RUNX2: variants seen among roughly 807,000 people sequenced by gnomAD.
RUNX2 encodes the protein runt-related transcription factor 2.
In RUNX2, 10 loss-of-function variants were observed where a neutral mutation model predicts 51.7. The ratio of observed to expected loss-of-function variants is 0.19; its 90% confidence interval spans 0.12 to 0.33. The LOEUF is 0.33. Among genes scored for constraint, RUNX2 ranks in the 10% least tolerant of loss-of-function variants. RUNX2 has a pLI of 1.00. For missense variants in RUNX2, 562 were observed against 691.3 expected (o/e 0.81, Z 2.10); for synonymous variants, 276 against 273.6 (o/e 1.01, Z -0.09).
intron 2 of RUNX2, among the ~76,000 whole-genome samples, chr6:45,388,991 C>A (rs1396943920): frequency 6.6e-6 from 1 of 152,208 alleles, no homozygotes; most frequent in Non-Finnish European, 1.5e-5. Context: ...TAATGGCAGT[C>A]ATTTCCCAAT....
intron 2 of RUNX2, among the ~76,000 whole-genome samples, chr6:45,393,917 G>A (rs948863599): frequency 2.0e-5 from 3 of 150,276 alleles, no homozygotes; most frequent in Non-Finnish European, 4.4e-5. Context: ...TGGGTAGGGG[G>A]TGCCACTTTC....
At chr6:45,492,498 C>T (rs1800513889) in intron 6 of RUNX2, among the ~76,000 whole-genome samples, 1 of 152,160 alleles carries the variant, frequency 6.6e-6, no homozygotes, top group Non-Finnish European at 1.5e-5. Flanking sequence ...GCTTACATTT[C>T]TTACATGTAT....
intron 6 of RUNX2, among the ~76,000 whole-genome samples, chr6:45,492,599 C>G (rs868599817): frequency 1.3e-5 from 2 of 152,132 alleles, no homozygotes; most frequent in African/African-American, 4.8e-5. Context: ...TGTGGCTCAT[C>G]GGGCACACAG....
intron 5 of RUNX2, among the ~76,000 whole-genome samples, chr6:45,471,942 T>C (rs1300336421): frequency 1.3e-5 from 2 of 152,244 alleles, no homozygotes; most frequent in South Asian, 4.1e-4. Context: ...TTTGTTTTAC[T>C]GTTTTAACCA....
At chr6:45,385,467 C>G (rs548761676) in intron 2 of RUNX2, among the ~76,000 whole-genome samples, 1 of 152,324 alleles carries the variant, frequency 6.6e-6, no homozygotes, top group African/African-American at 2.4e-5. Flanking sequence ...GAACTTATCC[C>G]TGTTCCTAGG....
intron 6 of RUNX2, among the ~76,000 whole-genome samples, chr6:45,494,989 C>T (rs904720067): frequency 1.3e-5 from 2 of 152,156 alleles, no homozygotes; most frequent in Non-Finnish European, 2.9e-5. Flanking sequence ...TCTCTCTGTA[C>T]CCCTTTACTC....
chr6:45,499,936 G>T (rs567883110), intron 6 of RUNX2, among the ~76,000 whole-genome samples: 1 of 151,922 alleles, frequency 6.6e-6, no homozygotes, highest in African/African-American at 2.4e-5. Context: ...GTATATGTAC[G>T]TATATATGTA....
intron 7 of RUNX2, among the ~76,000 whole-genome samples, chr6:45,540,909 G>A (rs1243783639): frequency 6.6e-6 from 1 of 152,224 alleles, no homozygotes; most frequent in African/African-American, 2.4e-5. Context: ...CTGCTGTTTT[G>A]GGGGCTCCTG....
chr6:45,501,688 A>T (rs1331666684), intron 6 of RUNX2, among the ~76,000 whole-genome samples: 1 of 152,228 alleles, frequency 6.6e-6, no homozygotes, highest in East Asian at 1.9e-4. Context: ...CCAGATATGC[A>T]ATAGACAGAT....
At chr6:45,545,353 A>G in intron 8 of RUNX2, 71 bp downstream of exon 8, 37 of 1,487,220 alleles carry the variant, frequency 2.5e-5, no homozygotes, top group Non-Finnish European at 3.3e-5. Flanking sequence ...TTACTGTCCG[A>G]TTTGTGAGTT....
chr6:45,414,809 C>G (rs908760183), intron 2 of RUNX2, among the ~76,000 whole-genome samples: 1 of 104,340 alleles, frequency 9.6e-6, no homozygotes, highest in Middle Eastern at 8.5e-3. Context: ...TAAGGCAGCT[C>G]TGGAATTTTT....
intron 5 of RUNX2, among the ~76,000 whole-genome samples, chr6:45,479,958 T>C (rs2150399169): frequency 6.6e-6 from 1 of 152,364 alleles, no homozygotes; most frequent in East Asian, 1.9e-4. Flanking sequence ...GCACCTTTAG[T>C]GACAGAGTGG....
intron 5 of RUNX2, among the ~76,000 whole-genome samples, chr6:45,449,383 C>T (rs2150379012): frequency 6.6e-6 from 1 of 152,280 alleles, no homozygotes; most frequent in Non-Finnish European, 1.5e-5. Context: ...TTAGACATTA[C>T]CTCAGTGATT....
chr6:45,454,516 TG>T (rs1799265923), intron 5 of RUNX2, among the ~76,000 whole-genome samples: 1 of 152,210 alleles, frequency 6.6e-6, no homozygotes, highest in South Asian at 2.1e-4. Flanking sequence ...ATCTCTTAGC[TG>T]TAAACAAAAA....
At chr6:45,529,830 A>G (rs1801788260) in intron 7 of RUNX2, among the ~76,000 whole-genome samples, 1 of 152,170 alleles carries the variant, frequency 6.6e-6, no homozygotes, top group African/African-American at 2.4e-5. Context: ...AATCCTGACA[A>G]TACACATGTG....
Position 45,460,379 on chromosome 6 carries a change from G to A in RUNX2, c.685+22328G>A, listed in dbSNP as rs115555878. 9.1e-3 allele frequency among the ~76,000 whole-genome samples: 1,381 copies of A among 152,194 alleles called. 19 individuals carry two copies. Among genetic ancestry groups the A allele is most frequent in the African/African-American group, 0.031 (1,278 of 41,498 alleles). On this transcript the variant is annotated intron_variant, in intron 5 of 8. Coordinates refer to ENST00000647337, the MANE Select transcript of RUNX2 (RefSeq NM_001024630.4). Reference sequence around the variant, plus strand: ...ACCAAGGACTGTCATTGAGTTTGGCGGTGTGGAAGGCATTGATGATCTTGG... The same window carrying A: ...ACCAAGGACTGTCATTGAGTTTGGCAGTGTGGAAGGCATTGATGATCTTGG...
chr6:45,399,333 T>G (rs1797648624), intron 2 of RUNX2, among the ~76,000 whole-genome samples: 1 of 147,266 alleles, frequency 6.8e-6, no homozygotes, highest in Non-Finnish European at 1.5e-5. Flanking sequence ...TCTTTCTCAT[T>G]TCTTTCTTTT....
intron 3 of RUNX2, among the ~76,000 whole-genome samples, chr6:45,429,864 C>A (rs565391382): frequency 6.6e-6 from 1 of 152,042 alleles, no homozygotes; most frequent in Non-Finnish European, 1.5e-5. Flanking sequence ...GAGGCTGAGG[C>A]GGGCGGATCA....
intron 4 of RUNX2, among the ~76,000 whole-genome samples, chr6:45,434,010 T>C (rs996214849): frequency 6.6e-6 from 1 of 152,176 alleles, no homozygotes; most frequent in African/African-American, 2.4e-5. Flanking sequence ...ATGGAGAAAT[T>C]GGTCCAGACT....
Sources: allele counts gnomAD v4.1 joint callset (sites outside exome capture counted in the v4.1 genomes callset), GRCh38; gene constraint gnomAD v4.1.1; transcripts MANE v1.5; gene names NCBI Gene and HGNC (gene_info 2026-07-23, HGNC 2026-07-21).